FHOD3: variants seen among roughly 807,000 people sequenced by gnomAD.
FHOD3 encodes the protein FH1/FH2 domain-containing protein 3.
In FHOD3, 90 loss-of-function variants were observed where a neutral mutation model predicts 173.0. That is an observed-to-expected ratio of 0.52 (90% CI 0.44 to 0.62). FHOD3 has a LOEUF of 0.62. Ranked by LOEUF, FHOD3 falls within the 20% of genes least tolerant of loss-of-function variation. FHOD3 has a pLI of 0.00. For synonymous variants in FHOD3, 828 were observed against 823.0 expected (o/e 1.01, Z -0.10); for missense variants, 1,945 against 2,034.7 (o/e 0.96, Z 0.85).
chr18:36,778,919 C>G (rs2043890616), intron 28 of FHOD3: 1 of 154,104 alleles, frequency 6.5e-6, no homozygotes, highest in African/African-American at 2.4e-5. Flanking sequence ...GGGTCTTGAG[C>G]ATGTCCCCAG....
chr18:36,519,508 C>T (rs187476269), intron 5 of FHOD3, among the ~76,000 whole-genome samples: 2 of 152,318 alleles, frequency 1.3e-5, no homozygotes, highest in East Asian at 3.9e-4. Flanking sequence ...AGGCTCCTCG[C>T]TGTGCTTCTT....
At chr18:36,737,029 C>G (rs1261899846) in intron 20 of FHOD3, among the ~76,000 whole-genome samples, 2 of 152,182 alleles carry the variant, frequency 1.3e-5, no homozygotes, top group Non-Finnish European at 2.9e-5. Context: ...CATCTGCTCA[C>G]AAAAAACAAG....
intron 8 of FHOD3, among the ~76,000 whole-genome samples, chr18:36,605,369 A>G (rs1455116957): frequency 5.3e-5 from 8 of 152,206 alleles, no homozygotes; most frequent in Admixed American, 2.6e-4. Context: ...AATCACTGGC[A>G]GAGACCCAGT....
At chr18:36,383,695 C>T (rs1296293431) in intron 3 of FHOD3, among the ~76,000 whole-genome samples, 3 of 152,188 alleles carry the variant, frequency 2.0e-5, no homozygotes, top group Non-Finnish European at 2.9e-5. Context: ...GCAAAGCACT[C>T]GACAAGTGTA....
chr18:36,757,935 C>T (rs765829889), intron 25 of FHOD3, among the ~76,000 whole-genome samples: 63 of 152,184 alleles, frequency 4.1e-4, no homozygotes, highest in African/African-American at 2.4e-4. Flanking sequence ...AGGCCTCCCA[C>T]GTTGGAGGGC....
In FHOD3 at chr18:36,509,697, A is replaced by G. The variant is rs1045424423; in HGVS notation, c.406-2741A>G. ...ATGTGTTGATTGGCACCTGGGGTTC[A>G]CTAGATTATTCCGTTGTCTTTTGTA... On this transcript the variant is annotated intron_variant, in intron 4 of 28. Coordinates refer to ENST00000590592, the MANE Select transcript of FHOD3 (RefSeq NM_001281740.3). Among the ~76,000 whole-genome samples, 3 of 152,312 alleles carry G rather than the reference A, an allele frequency of 2.0e-5. 1 individual carries two copies. Among genetic ancestry groups the G allele is most frequent in the South Asian group, 4.1e-4 (2 of 4,824 alleles).
intron 3 of FHOD3, among the ~76,000 whole-genome samples, chr18:36,426,755 T>C (rs1435826080): frequency 6.6e-6 from 1 of 152,254 alleles, no homozygotes; most frequent in African/African-American, 2.4e-5. Flanking sequence ...CATATGAGTT[T>C]AGTGTAAGTG....
intron 14 of FHOD3, among the ~76,000 whole-genome samples, chr18:36,661,881 CTT>C (rs1299769448): frequency 1.3e-5 from 2 of 152,130 alleles, no homozygotes; most frequent in Non-Finnish European, 2.9e-5. Context: ...AAGTTTGGAA[CTT>C]AAGAGAAAAC....
In FHOD3 at chr18:36,523,723, T is replaced by A. The variant is rs577799573; in HGVS notation, c.511+11180T>A. Among the ~76,000 whole-genome samples, 6 of 152,316 alleles carry A rather than the reference T, an allele frequency of 3.9e-5. No homozygotes were observed. In the East Asian group the frequency reaches 1.2e-3, roughly 29 times the overall value. On this transcript the variant is annotated intron_variant, in intron 5 of 28. Coordinates refer to ENST00000590592, the MANE Select transcript of FHOD3 (RefSeq NM_001281740.3). Reference sequence around the variant, plus strand: ...TCTGTTGGGGCTGCTAGGCTTGGGGTCAGGTGGTACTGGATGACCTCTTAG... The same window carrying A: ...TCTGTTGGGGCTGCTAGGCTTGGGGACAGGTGGTACTGGATGACCTCTTAG...
intron 3 of FHOD3, among the ~76,000 whole-genome samples, chr18:36,494,392 A>C (rs2054627107): frequency 6.6e-6 from 1 of 152,220 alleles, no homozygotes; most frequent in Admixed American, 6.5e-5. Flanking sequence ...ATGGAGGGGC[A>C]GTTCTAAAGA....
At chr18:36,526,907 A>G (rs1348630187) in intron 5 of FHOD3, among the ~76,000 whole-genome samples, 1 of 152,264 alleles carries the variant, frequency 6.6e-6, no homozygotes, top group East Asian at 1.9e-4. Flanking sequence ...TGTGGATTAC[A>G]GATTCCCTCT....
chr18:36,304,546 C>T (rs538264907), intron 1 of FHOD3, among the ~76,000 whole-genome samples: 95 of 152,260 alleles, frequency 6.2e-4, no homozygotes, highest in African/African-American at 2.2e-3. Context: ...AGATAGCTAA[C>T]CATCAGTGGA....
intron 9 of FHOD3, 63 bp downstream of exon 9, chr18:36,612,158 G>A (rs1207187723): frequency 1.3e-6 from 2 of 1,564,792 alleles, no homozygotes; most frequent in East Asian, 2.3e-5. Context: ...GGCTGAGATG[G>A]CGCCTACTTT....
At chr18:36,626,692 C>G (rs2034135205) in intron 10 of FHOD3, among the ~76,000 whole-genome samples, 1 of 152,228 alleles carries the variant, frequency 6.6e-6, no homozygotes, top group Non-Finnish European at 1.5e-5. Context: ...GGATCATCCT[C>G]CCTCATCATA....
chr18:36,527,135 G>A (rs776497593), intron 5 of FHOD3, among the ~76,000 whole-genome samples: 6 of 152,158 alleles, frequency 3.9e-5, no homozygotes, highest in Non-Finnish European at 7.3e-5. Context: ...CTGGTGGAGG[G>A]GCCCTGGGAG....
chr18:36,702,828 G>A (rs2149593765), intron 17 of FHOD3, among the ~76,000 whole-genome samples: 1 of 152,242 alleles, frequency 6.6e-6, no homozygotes, highest in South Asian at 2.1e-4. Context: ...GCGTGTGTGT[G>A]TGCACGTGTG....
At chr18:36,694,716 G>A (rs1020620366) in intron 17 of FHOD3, among the ~76,000 whole-genome samples, 7 of 152,184 alleles carry the variant, frequency 4.6e-5, no homozygotes, top group African/African-American at 1.7e-4. Flanking sequence ...TTTACAGAAT[G>A]ATTGTCTAAA....
At chr18:36,568,774 T>G (rs2059926963) in intron 5 of FHOD3, among the ~76,000 whole-genome samples, 1 of 152,164 alleles carries the variant, frequency 6.6e-6, no homozygotes, top group South Asian at 2.1e-4. Context: ...ACCCAGAGTT[T>G]CATAACATTA....
At chr18:36,496,196 C>T (rs1313206593) in intron 3 of FHOD3, among the ~76,000 whole-genome samples, 1 of 152,126 alleles carries the variant, frequency 6.6e-6, no homozygotes, top group Non-Finnish European at 1.5e-5. Flanking sequence ...CATTGTTAGT[C>T]CTGCAGCAAG....
Sources: gnomAD v4.1 joint callset for allele counts (sites outside exome capture counted in the v4.1 genomes callset) on GRCh38, gnomAD v4.1.1 for gene constraint, MANE v1.5 for transcripts, NCBI Gene and HGNC (gene_info 2026-07-23, HGNC 2026-07-21) for gene names.